DOCK1: variants seen among roughly 807,000 people sequenced by gnomAD.
The protein encoded by DOCK1 is dedicator of cytokinesis 1, also known as dedicator of cytokinesis protein 1.
In DOCK1, 138 loss-of-function variants were observed where a neutral mutation model predicts 262.7. The ratio of observed to expected loss-of-function variants is 0.53; its 90% CI spans 0.46 to 0.61. The LOEUF is 0.61. Ranked by LOEUF, DOCK1 falls within the 20% of genes least tolerant of loss-of-function variation. The pLI is 0.00. For missense variants in DOCK1, 1,908 were observed against 2,370.7 expected (o/e 0.80, Z 4.05); for synonymous variants, 866 against 867.4 (o/e 1.00, Z 0.03).
intron 1 of DOCK1, among the ~76,000 whole-genome samples, chr10:126,918,956 A>G (rs10794141): frequency 0.51 from 69,886 of 138,308 alleles, 16,851 homozygotes; most frequent in African/African-American, 0.57. Context: ...AGATGGGCAC[A>G]GAGGATTTGG....
At chr10:127,282,269 T>C (rs1040117878) in intron 29 of DOCK1, among the ~76,000 whole-genome samples, 1 of 152,016 alleles carries the variant, frequency 6.6e-6, no homozygotes, top group African/African-American at 2.4e-5. Context: ...TCTCTCTCTG[T>C]CTCTCATCTC....
rs761218441 is a variant in DOCK1 at position 127,176,433 on chromosome 10, G to A, written c.2847+48669G>A. ...CAGAAACAGCAACAGAGGTGTCAGT[G>A]GGACAGAAATACACACTCAAGCACC... On this transcript the variant is annotated intron_variant, in intron 27 of 51. Coordinates refer to ENST00000623213, the MANE Select transcript of DOCK1 (RefSeq NM_001290223.2). This position sits in a 1 kb window ranked among gnomAD's most constrained non-coding sequence, Gnocchi z 4.4. 1.3e-6 allele frequency: 2 copies of A among 1,543,798 alleles called. No individual in the cohort carries two copies. Among genetic ancestry groups the A allele is most frequent in the Admixed American group, 1.8e-5 (1 of 55,982 alleles).
intron 1 of DOCK1, among the ~76,000 whole-genome samples, chr10:126,919,487 T>G (rs1000522829): frequency 6.6e-6 from 1 of 152,136 alleles, no homozygotes; most frequent in Non-Finnish European, 1.5e-5. Context: ...TGGCCAGATT[T>G]CTTCACATTA....
At chr10:127,106,971 T>G (rs2136223642) in intron 24 of DOCK1, among the ~76,000 whole-genome samples, 1 of 152,234 alleles carries the variant, frequency 6.6e-6, no homozygotes, top group Non-Finnish European at 1.5e-5. Flanking sequence ...AATTTATTTT[T>G]TAAGAGATAG....
chr10:127,423,964 C>G (rs2134526296), intron 46 of DOCK1, among the ~76,000 whole-genome samples: 2 of 152,286 alleles, frequency 1.3e-5, no homozygotes, highest in Middle Eastern at 6.8e-3. Context: ...CTGCCTACAG[C>G]AAATCAGGGC....
chr10:127,044,476 A>T (rs1002550940), intron 21 of DOCK1, among the ~76,000 whole-genome samples: 5 of 152,196 alleles, frequency 3.3e-5, no homozygotes, highest in African/African-American at 1.2e-4. Context: ...GTGTGTGGGC[A>T]TGTCGAGTAG....
chr10:127,057,165 G>A (rs1311331456), intron 22 of DOCK1, among the ~76,000 whole-genome samples: 1 of 152,160 alleles, frequency 6.6e-6, no homozygotes, highest in Non-Finnish European at 1.5e-5. Flanking sequence ...CCTGTGTGGT[G>A]CTGTCAGAGG....
In DOCK1 at chr10:127,245,254, A is replaced by G. The variant is rs1330988560; in HGVS notation, c.2848-2754A>G. 2.6e-5 allele frequency among the ~76,000 whole-genome samples: 4 copies of G among 152,204 alleles called. No individual in the cohort carries two copies. The South Asian group carries it at 6.2e-4, about 24-fold the overall frequency. ...ATGCAGATCATCCGTTTCCTAATGG[A>G]GTTCATGCTTCACCTTAGAGCTGAA... On this transcript the variant is annotated intron_variant, in intron 27 of 51. Coordinates refer to ENST00000623213, the MANE Select transcript of DOCK1 (RefSeq NM_001290223.2).
At chr10:127,048,584 C>T (rs556751055) in intron 21 of DOCK1, among the ~76,000 whole-genome samples, 46 of 152,230 alleles carry the variant, frequency 3.0e-4, no homozygotes, top group African/African-American at 1.1e-3. Flanking sequence ...CTTTGCCTAG[C>T]CAAAGGTCTT....
chr10:127,217,293 A>T (rs1281470274), intron 27 of DOCK1, among the ~76,000 whole-genome samples: 1 of 152,232 alleles, frequency 6.6e-6, no homozygotes, highest in Non-Finnish European at 1.5e-5. Context: ...GAAACTGCAG[A>T]ACATAAGCGG....
chr10:127,288,912 C>G (rs1453281178), intron 29 of DOCK1, among the ~76,000 whole-genome samples: 2 of 151,930 alleles, frequency 1.3e-5, no homozygotes, highest in African/African-American at 4.8e-5. Flanking sequence ...TTCTCAGGCA[C>G]TTGAGATGAA....
chr10:127,397,502 A>G (rs967610487), intron 38 of DOCK1, among the ~76,000 whole-genome samples: 11 of 147,336 alleles, frequency 7.5e-5, no homozygotes, highest in Non-Finnish European at 1.3e-4. Flanking sequence ...AGCAACTCCT[A>G]TGTGATCTGA....
At chr10:126,965,190 G>A (rs1017306418) in intron 1 of DOCK1, among the ~76,000 whole-genome samples, 63 of 152,262 alleles carry the variant, frequency 4.1e-4, no homozygotes, top group African/African-American at 1.3e-3. Context: ...CTTCTTCTTG[G>A]TAGGGGGAGA....
chr10:126,912,682 C>G (rs1456339154), intron 1 of DOCK1, among the ~76,000 whole-genome samples: 1 of 148,760 alleles, frequency 6.7e-6, no homozygotes, highest in Non-Finnish European at 1.5e-5. Context: ...GCCGAGATCG[C>G]GCCACCGTAC....
chr10:127,250,622 C>A (rs993441637), intron 28 of DOCK1, among the ~76,000 whole-genome samples: 13 of 151,824 alleles, frequency 8.6e-5, no homozygotes, highest in African/African-American at 3.1e-4. Context: ...AAAACCCCGT[C>A]TCCACTAAAA....
At chr10:127,190,414 G>T (rs1464177527) in intron 27 of DOCK1, among the ~76,000 whole-genome samples, 2 of 152,130 alleles carry the variant, frequency 1.3e-5, no homozygotes, top group Admixed American at 1.3e-4. Context: ...AGGATTCCCT[G>T]AGTTGGTAGC....
chr10:126,942,889 C>T (rs956413136), intron 1 of DOCK1, among the ~76,000 whole-genome samples: 2 of 152,220 alleles, frequency 1.3e-5, no homozygotes, highest in Admixed American at 6.5e-5. Flanking sequence ...GTTTTCCTGA[C>T]CTTTTGTGAT....
chr10:126,980,932 A>G (rs2038920442), intron 3 of DOCK1, among the ~76,000 whole-genome samples: 1 of 150,514 alleles, frequency 6.6e-6, no homozygotes, highest in African/African-American at 2.4e-5. Flanking sequence ...TTGCTCAGAA[A>G]GCAGGACCCT....
chr10:127,257,353 T>C lies in DOCK1; in HGVS notation c.2968T>C (p.Phe990Leu), dbSNP rs2134948086. The C allele has an allele frequency of 6.2e-7, 1 of 1,601,394 alleles. No individual in the cohort carries two copies. The highest frequency in any genetic ancestry group is 8.5e-7 in the Non-Finnish European group (1 of 1,172,914). ...ATTTCAGGATTTCCTAATGGAAACATTCATCATGTTTAAGAACCTCATTGG... is the reference window on the plus strand; with the variant it reads ...ATTTCAGGATTTCCTAATGGAAACACTCATCATGTTTAAGAACCTCATTGG... ...TDVVDFLMETFIMFKNLIGKN... is the reference protein window; with the variant it reads ...TDVVDFLMETLIMFKNLIGKN... The change falls in exon 29 of 52, where the codon TTC (phenylalanine) becomes CTC (leucine). Residue 990 changes from phenylalanine (F) to leucine (L), a missense_variant. Transcript: ENST00000623213.
Sources: gnomAD v4.1 joint callset for allele counts (sites outside exome capture counted in the v4.1 genomes callset) on GRCh38, gnomAD v4.1.1 for gene constraint, Gnocchi (gnomAD v3.1) non-coding constraint, MANE v1.5 for transcripts, NCBI Gene and HGNC (gene_info 2026-07-23, HGNC 2026-07-21) for gene names.